SCOC: variants seen among roughly 807,000 people sequenced by gnomAD.
SCOC encodes the protein short coiled-coil protein.
Under a neutral mutation model 9.9 loss-of-function variants are expected in SCOC, and 7 were observed. That is an observed-to-expected ratio of 0.71 (90% CI 0.40 to 1.33). SCOC has a LOEUF of 1.33. Among genes scored for constraint, SCOC ranks in the 40% most tolerant of loss-of-function variants. The pLI, the probability that SCOC is intolerant of heterozygous loss-of-function variation, is 0.01. For missense variants in SCOC, 66 were observed against 89.7 expected, an observed-to-expected ratio of 0.74 and a Z score of 1.07; for synonymous variants, 19 against 28.2, an observed-to-expected ratio of 0.67 and a Z score of 1.03.
intron 1 of SCOC, among the ~76,000 whole-genome samples, chr4:140,327,334 T>A (rs1373548014): frequency 2.6e-5 from 4 of 152,134 alleles, no homozygotes; most frequent in Admixed American, 6.5e-5. Context: ...CAAACACCAC[T>A]CTCAGGTGGG....
chr4:140,355,908 A>G (rs1025635278), intron 2 of SCOC, among the ~76,000 whole-genome samples: 6 of 152,238 alleles, frequency 3.9e-5, no homozygotes, highest in African/African-American at 1.4e-4. Context: ...TTTCATAAAA[A>G]ATGAGATTAA....
intron 2 of SCOC, among the ~76,000 whole-genome samples, chr4:140,367,261 A>AT (rs1727844656): frequency 6.6e-6 from 1 of 152,100 alleles, no homozygotes; most frequent in Non-Finnish European, 1.5e-5. Context: ...AAATAAATAA[A>AT]AATATTAGTT....
intron 2 of SCOC, chr4:140,366,847 C>T (rs972685938): frequency 1.9e-5 from 15 of 797,266 alleles, no homozygotes; most frequent in East Asian, 9.8e-5. Flanking sequence ...CTCCACGAAG[C>T]GCCTGAACAC....
At chr4:140,366,166 C>G (rs1006986132) in intron 2 of SCOC, 1 of 511,658 alleles carries the variant, frequency 2.0e-6, no homozygotes, top group Non-Finnish European at 2.9e-6. Context: ...ATCTTGGGTG[C>G]CTCCTTTTCT....
intron 1 of SCOC, among the ~76,000 whole-genome samples, chr4:140,308,349 A>G (rs1732050017): frequency 6.6e-6 from 1 of 152,126 alleles, no homozygotes; most frequent in Non-Finnish European, 1.5e-5. Flanking sequence ...TTCAAATGCC[A>G]CTCAGTTGAT....
At chr4:140,354,312 C>T (rs1178255537) in intron 2 of SCOC, among the ~76,000 whole-genome samples, 2 of 152,082 alleles carry the variant, frequency 1.3e-5, no homozygotes, top group Non-Finnish European at 2.9e-5. Context: ...GTCCCTTCTG[C>T]TTTGAGCCCT....
At chr4:140,362,098 C>G (rs1007115679) in intron 2 of SCOC, among the ~76,000 whole-genome samples, 2 of 111,180 alleles carry the variant, frequency 1.8e-5, no homozygotes, top group African/African-American at 3.1e-5. Context: ...AGTAGCAAGG[C>G]TTTCTTTAGT....
Position 140,281,996 on chromosome 4 carries a change from G to A in SCOC, c.-19+24586G>A, listed in dbSNP as rs1029209012. Among the ~76,000 whole-genome samples, 9 of 152,162 alleles carry A rather than the reference G, an allele frequency of 5.9e-5. No homozygotes were observed. The East Asian group carries it at 1.2e-3, about 20-fold the overall frequency. On this transcript the variant is annotated intron_variant, in intron 1 of 4. Coordinates refer to the SCOC transcript ENST00000394205. ...ATAAATAACACCCTTAATCATCATC[G>A]ACCAAATAGGCTACACTGCCCCCTT...
rs150992292 is a variant in SCOC at position 140,294,731 on chromosome 4, C to T, written c.-19+37321C>T. ...CAAGGTTAGAAAGGACCACATAAAC[C>T]GTGCCGCCCAATCCACCATAAGCTG... On this transcript the variant is annotated intron_variant, in intron 1 of 4. Transcript: ENST00000394205. Among the ~76,000 whole-genome samples, 773 of 152,234 alleles carry T rather than the reference C, an allele frequency of 5.1e-3. 5 individuals are homozygous for T. The highest frequency in any genetic ancestry group is 0.017 in the African/African-American group (705 of 41,522).
At chr4:140,311,057 C>T (rs1329971208) in intron 1 of SCOC, among the ~76,000 whole-genome samples, 2 of 152,270 alleles carry the variant, frequency 1.3e-5, no homozygotes, top group East Asian at 1.9e-4. Flanking sequence ...CTCAATCTAA[C>T]TTATCCTTAA....
At chr4:140,373,369 G>A, upstream of SCOC, 1 of 1,444,682 alleles carries the variant, frequency 6.9e-7, no homozygotes, top group Non-Finnish European at 9.1e-7. Context: ...CTGATGAGCC[G>A]CTTCACCAGC....
At chr4:140,329,680 C>T (rs915081996) in intron 1 of SCOC, among the ~76,000 whole-genome samples, 5 of 151,962 alleles carry the variant, frequency 3.3e-5, no homozygotes, top group Non-Finnish European at 7.4e-5. Flanking sequence ...ATACAAATGG[C>T]CAACAAGCAT....
intron 1 of SCOC, among the ~76,000 whole-genome samples, chr4:140,282,186 T>C (rs1345793450): frequency 1.3e-5 from 2 of 152,320 alleles, no homozygotes; most frequent in East Asian, 3.9e-4. Context: ...TGTTTAAATT[T>C]TCATAGAGTC....
upstream of SCOC, among the ~76,000 whole-genome samples, chr4:140,342,799 C>T (rs1726557707): frequency 6.6e-6 from 1 of 152,098 alleles, no homozygotes; most frequent in African/African-American, 2.4e-5. Flanking sequence ...AGAAATACTT[C>T]CTCCTCAAAC....
intron 1 of SCOC, among the ~76,000 whole-genome samples, chr4:140,286,135 G>C (rs772913478): frequency 4.6e-5 from 7 of 151,700 alleles, no homozygotes; most frequent in African/African-American, 7.3e-5. Flanking sequence ...AGTGAGCCAA[G>C]ATTGAGCCAC....
chr4:140,337,148 A>C (rs373927521), intron 1 of SCOC, among the ~76,000 whole-genome samples: 1 of 152,222 alleles, frequency 6.6e-6, no homozygotes, highest in Non-Finnish European at 1.5e-5. Context: ...AACCCTTAGC[A>C]GATATGTGAT....
Position 140,379,592 on chromosome 4 carries a change from G to C in SCOC, c.46G>C (p.Glu16Gln). 6.2e-7 allele frequency: 1 copy of C among 1,612,258 alleles called. No homozygotes were observed. The highest frequency in any genetic ancestry group is 1.1e-5 in the South Asian group (1 of 90,910). ...AGCAGTTGATGCTGAAAATCAAGTG[G>C]AACTGGAGGAAAAAACAAGACTTAT... ...MDAVDAENQV[E>Q]LEEKTRLINQ... Residue 16 changes from glutamate (E) to glutamine (Q), a missense_variant, in exon 3 of 4, where the codon GAA (glutamate) becomes CAA (glutamine). Coordinates refer to ENST00000608372, the MANE Select transcript of SCOC (RefSeq NM_001153484.2).
chr4:140,373,440 C>A (rs1311998751), upstream of SCOC: 5 of 1,526,180 alleles, frequency 3.3e-6, no homozygotes, highest in Middle Eastern at 1.7e-4. Context: ...CCGCCCACAG[C>A]GACCTCAATC....
At chr4:140,258,893 C>T (rs1300322857) in intron 1 of SCOC, among the ~76,000 whole-genome samples, 3 of 152,216 alleles carry the variant, frequency 2.0e-5, no homozygotes, top group Non-Finnish European at 4.4e-5. Context: ...CCATGAATGG[C>T]TTCTTGCTGG....
Sources: gnomAD v4.1 joint callset for allele counts (sites outside exome capture counted in the v4.1 genomes callset) on GRCh38, gnomAD v4.1.1 for gene constraint, MANE v1.5 for transcripts, NCBI Gene and HGNC (gene_info 2026-07-23, HGNC 2026-07-21) for gene names.